The following CCNJL variants were observed in gnomAD, a reference collection of about 807,000 sequenced individuals.
CCNJL encodes cyclin-J-like protein.
In CCNJL, 33 loss-of-function variants were observed where a neutral mutation model predicts 33.4. That is an observed-to-expected ratio of 0.99 (90% CI 0.75 to 1.32). The LOEUF (loss-of-function observed/expected upper bound fraction) is 1.32, where lower values mean the gene tolerates loss of function less well. Among genes scored for constraint, CCNJL ranks in the 40% most tolerant of loss-of-function variants. The pLI, the probability that CCNJL is intolerant of heterozygous loss-of-function variation, is 0.00. For synonymous variants in CCNJL, 227 were observed against 220.9 expected (o/e 1.03, Z -0.24); for missense variants, 512 against 499.7 (o/e 1.02, Z -0.23).
intron 1 of CCNJL, among the ~76,000 whole-genome samples, chr5:160,318,973 A>G (rs1173159840): frequency 1.3e-5 from 2 of 152,228 alleles, no homozygotes; most frequent in East Asian, 1.9e-4. Flanking sequence ...TCAATAAAAA[A>G]TTTTTAGAAA....
chr5:160,281,199 T>A (rs1762199307), intron 2 of CCNJL, among the ~76,000 whole-genome samples: 1 of 152,154 alleles, frequency 6.6e-6, no homozygotes, highest in Non-Finnish European at 1.5e-5. Context: ...AAATTTAAAA[T>A]GTATGCAAAA....
chr5:160,292,771 T>C lies in CCNJL; in HGVS notation c.67-12033A>G, dbSNP rs1241723894. ...ATAATTTGGCAGACACTGCATTCCA[T>C]GCATCTTGTACTCTAATTCTCCAAC... On this transcript the variant is annotated intron_variant, in intron 2 of 5. Transcript: ENST00000257536. Among the ~76,000 whole-genome samples the C allele has an allele frequency of 2.6e-5, 4 of 152,164 alleles. No individual in the cohort carries two copies. The East Asian group carries it at 5.8e-4, about 22-fold the overall frequency.
intron 2 of CCNJL, among the ~76,000 whole-genome samples, chr5:160,307,196 G>C (rs1017150826): frequency 6.6e-6 from 1 of 152,170 alleles, no homozygotes; most frequent in Admixed American, 6.5e-5. Flanking sequence ...CATCAGGTGA[G>C]GTGGGGGACA....
At chr5:160,297,021 T>C (rs950976774) in intron 2 of CCNJL, among the ~76,000 whole-genome samples, 4 of 152,092 alleles carry the variant, frequency 2.6e-5, no homozygotes, top group Non-Finnish European at 2.9e-5. Flanking sequence ...CTGGAAGGAG[T>C]TGCCTGAGGA....
At position 160,323,025 on chromosome 5, in the gene CCNJL, GAGCTTGAGACC is replaced by G. The variant is rs1763492279; in HGVS notation, n.207-7531_207-7521del. Among the ~76,000 whole-genome samples, 3 of 151,904 alleles carry G rather than the reference GAGCTTGAGACC, an allele frequency of 2.0e-5. No homozygotes were observed. The South Asian group carries it at 6.2e-4, about 32-fold the overall frequency. On this transcript the variant is annotated intron_variant and non_coding_transcript_variant, in intron 1 of 7. Coordinates refer to the CCNJL transcript ENST00000377503. ...TGAGGCGGGTGGATCACAAGGTCAG[GAGCTTGAGACC>G]AGCCTGGCCAATATGGTGAAACCCC... is the stretch of plus-strand genomic sequence containing the variant.
chr5:160,333,925 G>T (rs1052908917), intron 1 of CCNJL, among the ~76,000 whole-genome samples: 1 of 152,038 alleles, frequency 6.6e-6, no homozygotes, highest in Non-Finnish European at 1.5e-5. Flanking sequence ...TGGTGATTTT[G>T]CTGTCTTGGT....
At chr5:160,277,384 C>T (rs748477672) in intron 3 of CCNJL, among the ~76,000 whole-genome samples, 1 of 152,092 alleles carries the variant, frequency 6.6e-6, no homozygotes, top group Non-Finnish European at 1.5e-5. Context: ...GGGATTTCCA[C>T]GTTGTCAAAT....
intron 1 of CCNJL, among the ~76,000 whole-genome samples, chr5:160,322,768 T>C (rs1763487303): frequency 6.7e-6 from 1 of 148,634 alleles, no homozygotes; most frequent in Non-Finnish European, 1.5e-5. Context: ...TAGCTGGGCG[T>C]GGTTGCGCAG....
At chr5:160,319,993 T>C (rs1481316436) in intron 1 of CCNJL, among the ~76,000 whole-genome samples, 11 of 152,154 alleles carry the variant, frequency 7.2e-5, no homozygotes, top group Admixed American at 5.9e-4. Context: ...AACGGGGACC[T>C]ATGGGAATCA....
rs769380365 is a variant in CCNJL, at chr5:160,259,453, G to A, written c.583+16C>T. 24 of 1,595,936 alleles carry A rather than the reference G, an allele frequency of 1.5e-5. No homozygotes were observed. The South Asian group carries it at 1.6e-4, about 11-fold the overall frequency. On this transcript the variant is annotated intron_variant, in intron 4 of 5. Coordinates refer to ENST00000257536, the MANE Select transcript of CCNJL (RefSeq NM_001308173.3). ...GGAAGGGGTGGGAGGTCCTGCCATC[G>A]GGTCCCAGCTGTCACCTTGCAGGGT...
intron 1 of CCNJL, among the ~76,000 whole-genome samples, chr5:160,336,255 C>A (rs1763682961): frequency 6.6e-6 from 1 of 152,166 alleles, no homozygotes; most frequent in African/African-American, 2.4e-5. Flanking sequence ...GTGAATGTGG[C>A]CTTATTTGGA....
At chr5:160,321,553 C>A (rs1763465370) in intron 1 of CCNJL, among the ~76,000 whole-genome samples, 1 of 152,204 alleles carries the variant, frequency 6.6e-6, no homozygotes, top group Non-Finnish European at 1.5e-5. Context: ...GGGACTCAGG[C>A]TTGGGGTGGA....
intron 1 of CCNJL, among the ~76,000 whole-genome samples, chr5:160,323,941 A>T (rs560825500): frequency 6.6e-6 from 1 of 152,338 alleles, no homozygotes; most frequent in South Asian, 2.1e-4. Context: ...GCTCACCTGC[A>T]TTCCGACGGG....
chr5:160,282,968 T>TATATAC (rs1303237181), intron 2 of CCNJL, among the ~76,000 whole-genome samples: 7 of 25,868 alleles, frequency 2.7e-4, no homozygotes, highest in African/African-American at 9.8e-4. Context: ...GTCCTTGGAA[T>TATATAC]ATATATATAT....
intron 2 of CCNJL, among the ~76,000 whole-genome samples, chr5:160,287,652 T>G (rs1039090650): frequency 6.6e-6 from 1 of 152,228 alleles, no homozygotes; most frequent in African/African-American, 2.4e-5. Context: ...AGCAGCGCAG[T>G]GCAGGAAGCC....
In CCNJL at chr5:160,250,147, G is replaced by T. The variant is rs1486220937; in HGVS notation, c.*3231C>A. ...ATACAAGTGGATCCCTCTGGCTGAA[G>T]GCCACAGAGGTCACAGCCTCTGTGG... On this transcript the variant is annotated 3_prime_UTR_variant, in exon 6 of 6. Coordinates refer to ENST00000257536, the MANE Select transcript of CCNJL (RefSeq NM_001308173.3). 1 of 152,136 alleles carries T rather than the reference G, an allele frequency of 6.6e-6. No homozygotes were observed. The highest frequency in any genetic ancestry group is 1.5e-5 in the Non-Finnish European group (1 of 68,042). The allele number at this position is 152,136 out of a possible 1,614,324, so 9.4% of individuals were successfully genotyped here.
chr5:160,322,107 C>G (rs1679926310), intron 1 of CCNJL, among the ~76,000 whole-genome samples: 1 of 152,038 alleles, frequency 6.6e-6, no homozygotes, highest in Admixed American at 6.5e-5. Context: ...GAAACAGGAG[C>G]CTATAGGATC....
intron 3 of CCNJL, among the ~76,000 whole-genome samples, chr5:160,260,621 TG>T (rs112200659): frequency 6.6e-6 from 1 of 151,910 alleles, no homozygotes; most frequent in African/African-American, 2.4e-5. Context: ...CAGGGGCTGG[TG>T]GGGGGGCATG....
chr5:160,261,121 C>G (rs1167079189), intron 3 of CCNJL: 1 of 152,420 alleles, frequency 6.6e-6, no homozygotes, highest in African/African-American at 2.4e-5. Context: ...GTTCCCATCT[C>G]TCATGCTGCT....
Sources: gnomAD v4.1 joint callset for allele counts (sites outside exome capture counted in the v4.1 genomes callset) on GRCh38, gnomAD v4.1.1 for gene constraint, MANE v1.5 for transcripts, NCBI Gene and HGNC (gene_info 2026-07-23, HGNC 2026-07-21) for gene names.